Variants in MARF1 observed in about 807,000 individuals in gnomAD.
The protein encoded by MARF1 is meiosis regulator and mRNA stability factor 1.
Under a neutral mutation model 168.2 loss-of-function variants are expected in MARF1, and 24 were observed. The ratio of observed to expected loss-of-function variants is 0.14; its 90% CI spans 0.10 to 0.20. MARF1 has a LOEUF of 0.20. MARF1 is among the 10% of genes least tolerant of loss of function. The pLI is 1.00. For synonymous variants in MARF1, 868 were observed against 822.4 expected (o/e 1.06, Z -0.95); for missense variants, 1,744 against 2,143.6 (o/e 0.81, Z 3.68).
chr16:15,630,421 A>G lies in MARF1; in HGVS notation c.1435T>C (p.Ser479Pro). 1 of 1,614,132 alleles carries G rather than the reference A, an allele frequency of 6.2e-7. No individual in the cohort carries two copies. The highest frequency in any genetic ancestry group is 8.5e-7 in the Non-Finnish European group (1 of 1,180,000). Reference protein sequence around the residue: ...HIILVHKNQASEALLHHANEL... With the variant: ...HIILVHKNQAPEALLHHANEL... The stretch of plus-strand genomic sequence containing the variant: ...TTAGCATGATGCAGCAGTGCTTCTG[A>G]GGCCTGGTTTTTATGGACCAAAATA... The change falls in exon 7 of 27, where the codon TCA (serine) becomes CCA (proline). Residue 479 changes from serine to proline, a missense_variant. Around this residue, in one of 7 missense-constraint regions of MARF1, gnomAD observed 217 missense variants for 372.4 expected, o/e 0.58. Coordinates refer to ENST00000396368, the MANE Select transcript of MARF1 (RefSeq NM_014647.4).
At position 15,596,856 on chromosome 16, in the gene MARF1, G is replaced by A. The variant is rs754894481; in HGVS notation, c.5066C>T (p.Ser1689Leu). The A allele has an allele frequency of 8.1e-6, 13 of 1,613,938 alleles. No individual in the cohort carries two copies. Among genetic ancestry groups the A allele is most frequent in the African/African-American group, 2.7e-5 (2 of 74,912 alleles). ...KSKTLTSDSS[S>L]SCISAAVPVP... The stretch of plus-strand genomic sequence containing the variant: ...GGGGACAGCTGCTGAGATGCAGGAC[G>A]AGCTGGAGTCAGAGGTCAGAGTTTT... The change falls in exon 27 of 27, where the codon TCG becomes TTG. Residue 1689 changes from serine to leucine, a missense_variant. Coordinates refer to ENST00000396368, the MANE Select transcript of MARF1 (RefSeq NM_014647.4).
At position 15,617,492 on chromosome 16, in the gene MARF1, C is replaced by T; in HGVS notation, c.2764G>A (p.Asp922Asn). Reference protein sequence around the residue: ...LNVSDLYKLTDTVAIREQGNG... With the variant: ...LNVSDLYKLTNTVAIREQGNG... ...CCTTGTTCACGGATTGCGACCGTGT[C>T]TGTTAATTTATATAGATCTGACACA... Residue 922 changes from aspartate to asparagine, a missense_variant, in exon 14 of 27, where the codon GAC becomes AAC. Asp to Asn is a conservative substitution (Grantham distance 23, BLOSUM62 1). Around this residue, in one of 7 missense-constraint regions of MARF1, gnomAD observed 543 missense variants for 742.1 expected, o/e 0.73. Transcript: ENST00000396368. 1.2e-6 allele frequency: 2 copies of T among 1,613,618 alleles called. No individual in the cohort carries two copies. Among genetic ancestry groups the T allele is most frequent in the Non-Finnish European group, 1.7e-6 (2 of 1,180,014 alleles).
chr16:15,633,525 G>C, intron 5 of MARF1, 92 bp downstream of exon 5: 1 of 959,710 alleles, frequency 1.0e-6, no homozygotes. Flanking sequence ...CAGCCTGGGT[G>C]ACACTTAGAC....
At chr16:15,629,852 G>A (rs1015621280) in intron 7 of MARF1, among the ~76,000 whole-genome samples, 2 of 152,186 alleles carry the variant, frequency 1.3e-5, no homozygotes, top group Admixed American at 6.5e-5. Context: ...ATGCACCACA[G>A]GGAATGCACA....
At position 15,624,980 on chromosome 16, in the gene MARF1, C is replaced by A. The variant is rs573523200; in HGVS notation, c.2111+36G>T. The A allele has an allele frequency of 1.9e-6, 3 of 1,613,446 alleles. No homozygotes were observed. The African/African-American group carries it at 4.0e-5, about 22-fold the overall frequency. On this transcript the variant is annotated intron_variant, in intron 9 of 26. Coordinates refer to ENST00000396368, the MANE Select transcript of MARF1 (RefSeq NM_014647.4). ...AAGGTCATATGTCTTCCTTCACATT[C>A]AAGAAGCAGCTATGAGAAAGAGTAG...
intron 13 of MARF1, 52 bp downstream of exon 13, chr16:15,620,399 G>T: frequency 2.7e-6 from 3 of 1,120,652 alleles, no homozygotes; most frequent in African/African-American, 1.6e-5. Context: ...TTTTGTGCAT[G>T]TAAGCCACCA....
At position 15,602,209 on chromosome 16, in the gene MARF1, TAAAAA is replaced by T. The variant is rs1426653991; in HGVS notation, c.4414-11_4414-7del. On this transcript the variant is annotated splice_region_variant and splice_polypyrimidine_tract_variant and intron_variant, in intron 22 of 26. Transcript: ENST00000396368. ...ATCTTATCATTAGTGAAAACCTGGTTAAAAAGAAAACGCAGCATTAGAAATATTAG... is the reference window on the plus strand; with the variant it reads ...ATCTTATCATTAGTGAAAACCTGGTTGAAAACGCAGCATTAGAAATATTAG... 1.9e-6 allele frequency: 3 copies of T among 1,612,188 alleles called. No homozygotes were observed. Among genetic ancestry groups the T allele is most frequent in the East Asian group, 4.5e-5 (2 of 44,876 alleles).
At position 15,612,764 on chromosome 16, in the gene MARF1, C is replaced by T. The variant is rs1307707983; in HGVS notation, c.3267G>A (p.Leu1089=). 1.2e-6 allele frequency: 2 copies of T among 1,613,964 alleles called. No individual in the cohort carries two copies. Among genetic ancestry groups the T allele is most frequent in the Non-Finnish European group, 8.5e-7 (1 of 1,179,910 alleles). ...GGTTACCTACAGGACTCTTCGAACG[C>T]AGAAGCCAAGGGTCTAGAAGAAAAA... ...PPPPNTDPWL[L]RSKSPVGNPQ... Residue 1089 remains leucine, a synonymous_variant, in exon 17 of 27, where the codon CTG becomes CTA. Transcript: ENST00000396368.
At chr16:15,626,961 GAA>G (rs71134441) in intron 7 of MARF1, among the ~76,000 whole-genome samples, 1 of 116,352 alleles carries the variant, frequency 8.6e-6, no homozygotes, top group Non-Finnish European at 1.7e-5. Context: ...GAGATTCTGT[GAA>G]AAAAAAAAAA....
At chr16:15,620,058 G>A (rs1291701111) in intron 13 of MARF1, among the ~76,000 whole-genome samples, 3 of 152,098 alleles carry the variant, frequency 2.0e-5, no homozygotes, top group East Asian at 3.9e-4. Context: ...CCAGCTACTC[G>A]GGAGGCTGAG....
chr16:15,629,636 T>C (rs2035117057), intron 7 of MARF1, among the ~76,000 whole-genome samples: 1 of 152,244 alleles, frequency 6.6e-6, no homozygotes, highest in South Asian at 2.1e-4. Context: ...CCATGGCTCC[T>C]TCTCCATTAT....
intron 13 of MARF1, among the ~76,000 whole-genome samples, chr16:15,619,935 G>A (rs1161083615): frequency 6.6e-6 from 1 of 152,180 alleles, no homozygotes; most frequent in Admixed American, 6.5e-5. Flanking sequence ...AGGCTAAAGT[G>A]GGCAGATCAC....
At chr16:15,641,407 GT>G (rs1385885777) in intron 1 of MARF1, among the ~76,000 whole-genome samples, 1 of 152,126 alleles carries the variant, frequency 6.6e-6, no homozygotes, top group Non-Finnish European at 1.5e-5. Flanking sequence ...TCTCAAAATC[GT>G]AAGAATCTGT....
At position 15,600,635 on chromosome 16, in the gene MARF1, A is replaced by G. The variant is rs1185193301; in HGVS notation, c.4687+6T>C. 3 of 1,613,952 alleles carry G rather than the reference A, an allele frequency of 1.9e-6. No homozygotes were observed. The highest frequency in any genetic ancestry group is 2.5e-6 in the Non-Finnish European group (3 of 1,180,014). On this transcript the variant is annotated splice_donor_region_variant and intron_variant, in intron 24 of 26. Transcript: ENST00000396368. ...TTAAGGGGGGAGGGGATGGGTGCTTACTTACTTTTCATGTCATTTTTTAAC... is the reference window on the plus strand; with the variant it reads ...TTAAGGGGGGAGGGGATGGGTGCTTGCTTACTTTTCATGTCATTTTTTAAC...
chr16:15,622,848 G>T, intron 11 of MARF1, 86 bp downstream of exon 11: 1 of 1,088,962 alleles, frequency 9.2e-7, no homozygotes. Context: ...TATCCCGGCT[G>T]TGGTTATGTA....
chr16:15,621,968 A>G (rs547927026), intron 11 of MARF1, 57 bp from the exon 12 acceptor site: 1 of 1,527,042 alleles, frequency 6.5e-7, no homozygotes, highest in South Asian at 1.2e-5. Context: ...CTGTCGTCTT[A>G]AAACTGAAGG....
chr16:15,625,484 C>G lies in MARF1; in HGVS notation c.1841G>C (p.Cys614Ser), dbSNP rs377235313. 1.2e-6 allele frequency: 2 copies of G among 1,614,052 alleles called. No homozygotes were observed. The highest frequency in any genetic ancestry group is 2.2e-5 in the East Asian group (1 of 44,892). Residue 614 changes from cysteine (C) to serine (S), a missense_variant, in exon 8 of 27, where the codon TGC becomes TCC. Cys to Ser is a moderately radical substitution (Grantham distance 112). This residue lies in a region of MARF1 where 270 missense variants were observed against 260.6 expected (regional missense o/e 1.04). Transcript: ENST00000396368. Reference sequence around the variant, plus strand: ...TTGTTCACTTGCATCTTTGATGAGGCACAATTTTGGATTCTTAAGTTTTTT... The same window carrying G: ...TTGTTCACTTGCATCTTTGATGAGGGACAATTTTGGATTCTTAAGTTTTTT... The part of the protein sequence containing the change: ...SPKKLKNPKL[C>S]LIKDASEQSS...
intron 16 of MARF1, 30 bp from the exon 17 acceptor site, chr16:15,612,807 A>G (rs1168199259): frequency 2.5e-6 from 4 of 1,583,292 alleles, no homozygotes; most frequent in Non-Finnish European, 3.5e-6. Flanking sequence ...TATAAGACAG[A>G]AAGCACAGAT....
intron 1 of MARF1, among the ~76,000 whole-genome samples, chr16:15,639,763 A>G (rs1349777725): frequency 6.6e-6 from 1 of 152,202 alleles, no homozygotes; most frequent in Non-Finnish European, 1.5e-5. Flanking sequence ...AAAACACAAA[A>G]TATCAGAGCA....
Sources: allele counts gnomAD v4.1 joint callset (sites outside exome capture counted in the v4.1 genomes callset), GRCh38; gene constraint gnomAD v4.1.1; regional missense constraint gnomAD v4.1.1; transcripts MANE v1.5; gene names NCBI Gene and HGNC (gene_info 2026-07-23, HGNC 2026-07-21).